LONRF1: variants seen among roughly 807,000 people sequenced by gnomAD.
LONRF1 encodes the protein LON peptidase N-terminal domain and RING finger protein 1.
Under a neutral mutation model 85.8 loss-of-function variants are expected in LONRF1, and 37 were observed. The observed-to-expected ratio is 0.43, with a 90% CI of 0.33 to 0.57. LONRF1 has a LOEUF of 0.57. LONRF1 is among the 20% of genes least tolerant of loss of function. The pLI is 0.04. For missense variants in LONRF1, 1,036 were observed against 978.0 expected (o/e 1.06, Z -0.79); for synonymous variants, 517 against 390.1 (o/e 1.33, Z -3.83).
At chr8:12,726,788 A>C (rs1177005925) in intron 10 of LONRF1, among the ~76,000 whole-genome samples, 1 of 152,220 alleles carries the variant, frequency 6.6e-6, no homozygotes, top group African/African-American at 2.4e-5. Context: ...GGGACTCTGA[A>C]AACATTTCGA....
chr8:12,734,458 C>A (rs1476353260), intron 7 of LONRF1, among the ~76,000 whole-genome samples: 1 of 152,114 alleles, frequency 6.6e-6, no homozygotes, highest in Admixed American at 6.5e-5. Flanking sequence ...GAATCACTTT[C>A]CCCAATCAAC....
At chr8:12,729,986 A>G (rs187640425) in intron 8 of LONRF1, among the ~76,000 whole-genome samples, 8 of 152,332 alleles carry the variant, frequency 5.3e-5, no homozygotes, top group Admixed American at 3.9e-4. Flanking sequence ...GCTAAAGAAC[A>G]TGGCTACAGA....
intron 1 of LONRF1, among the ~76,000 whole-genome samples, chr8:12,750,639 A>G (rs1274913879): frequency 6.6e-6 from 1 of 152,228 alleles, no homozygotes; most frequent in African/African-American, 2.4e-5. Flanking sequence ...GTTACTAAAG[A>G]TAATAAAAAC....
chr8:12,755,463 C>A lies in LONRF1; in HGVS notation c.-43G>T. 1.9e-6 allele frequency: 2 copies of A among 1,050,240 alleles called. No homozygotes were observed. The highest frequency in any genetic ancestry group is 9.0e-5 in the South Asian group (2 of 22,320). 65.1% of individuals were successfully genotyped at this position (1,050,240 alleles called of 1,614,324 possible). On this transcript the variant is annotated 5_prime_UTR_variant, in exon 1 of 12. Coordinates refer to ENST00000398246, the MANE Select transcript of LONRF1 (RefSeq NM_152271.5). Reference sequence around the variant, plus strand: ...GCCGCCGCCGCCCGCCGCCACGGTCCCGGAGCCTCCCGGGCGCGCGGCTCC... The same window carrying A: ...GCCGCCGCCGCCCGCCGCCACGGTCACGGAGCCTCCCGGGCGCGCGGCTCC...
rs1276646613 is a variant in LONRF1 at position 12,754,915 on chromosome 8, G to T, written c.506C>A (p.Ala169Asp). 1 of 1,492,504 alleles carries T rather than the reference G, an allele frequency of 6.7e-7. No individual in the cohort carries two copies. Among genetic ancestry groups the T allele is most frequent in the South Asian group, 1.3e-5 (1 of 79,450 alleles). The allele number at this position is 1,492,504 out of a possible 1,614,324, so 92.5% of individuals were successfully genotyped here. A position where few individuals can be genotyped will look rare whatever the true frequency, so the allele number is the denominator to read the frequency against. Reference protein sequence around the residue: ...RDRLPPATASATDAEGTAPRP... With the variant: ...RDRLPPATASDTDAEGTAPRP... The stretch of plus-strand genomic sequence containing the variant: ...CGGGGCGGTCCCTTCAGCATCAGTG[G>T]CACTGGCGGTGGCGGGCGGCAGCCG... Residue 169 changes from alanine to aspartate, a missense_variant, in exon 1 of 12, where the codon GCC becomes GAC. Transcript: ENST00000398246.
At chr8:12,740,328 T>C (rs887061800) in intron 3 of LONRF1, among the ~76,000 whole-genome samples, 1 of 152,194 alleles carries the variant, frequency 6.6e-6, no homozygotes, top group Non-Finnish European at 1.5e-5. Context: ...CCTAATTAAC[T>C]TGGCTTAACC....
At chr8:12,747,224 C>G (rs1053332887) in intron 1 of LONRF1, among the ~76,000 whole-genome samples, 4 of 152,214 alleles carry the variant, frequency 2.6e-5, no homozygotes, top group Admixed American at 6.5e-5. Flanking sequence ...TCTGAGGAAT[C>G]TAGTCTTCGG....
intron 7 of LONRF1, among the ~76,000 whole-genome samples, chr8:12,733,680 G>C (rs1057304807): frequency 6.6e-6 from 1 of 151,960 alleles, no homozygotes; most frequent in African/African-American, 2.4e-5. Context: ...ATATAAAAAA[G>C]AGAACAAGAA....
Position 12,737,954 on chromosome 8 carries a change from T to G in LONRF1, c.1113+41A>C, listed in dbSNP as rs773478531. On this transcript the variant is annotated intron_variant, in intron 4 of 11. Coordinates refer to ENST00000398246, the MANE Select transcript of LONRF1 (RefSeq NM_152271.5). ...GTGAAGCTCTTAACTCGTAAAGAAATGGATACGCTAAACTCATGATAACCT... is the reference window on the plus strand; with the variant it reads ...GTGAAGCTCTTAACTCGTAAAGAAAGGGATACGCTAAACTCATGATAACCT... The G allele has an allele frequency of 3.9e-6, 6 of 1,556,894 alleles. No individual in the cohort carries two copies. The Admixed American group carries it at 8.7e-5, about 23-fold the overall frequency.
chr8:12,746,327 C>T (rs745715882), intron 1 of LONRF1, among the ~76,000 whole-genome samples: 1 of 152,206 alleles, frequency 6.6e-6, no homozygotes, highest in Non-Finnish European at 1.5e-5. Flanking sequence ...TATGAACCTT[C>T]CCACTCACTC....
intron 5 of LONRF1, 33 bp from the exon 6 acceptor site, chr8:12,736,830 T>G (rs1362370931): frequency 6.3e-7 from 1 of 1,585,080 alleles, no homozygotes; most frequent in Non-Finnish European, 8.6e-7. Flanking sequence ...TTTTCTTCCT[T>G]AGGAAAAACT....
chr8:12,729,183 G>T lies in LONRF1; in HGVS notation c.1838C>A (p.Thr613Lys). ...TTCACAAAAAGCATACCTATTTTGT[G>T]TATCACTGACACACATGCCAAACTG... ...TKQFGMCVSD[T>K]QNSFADYGCM... The change falls in exon 9 of 12, where the codon ACA (threonine) becomes AAA (lysine). Residue 613 changes from threonine (T) to lysine (K), a missense_variant. Physicochemically the swap from Thr to Lys is moderately conservative, Grantham distance 78. Transcript: ENST00000398246. 1 of 1,613,902 alleles carries T rather than the reference G, an allele frequency of 6.2e-7. No individual in the cohort carries two copies. Among genetic ancestry groups the T allele is most frequent in the South Asian group, 1.1e-5 (1 of 91,060 alleles).
intron 3 of LONRF1, among the ~76,000 whole-genome samples, chr8:12,740,479 C>G (rs988099017): frequency 2.0e-5 from 3 of 151,984 alleles, no homozygotes; most frequent in Non-Finnish European, 2.9e-5. Context: ...TAAGGCAAAA[C>G]AAGTGGACTG....
In LONRF1 at chr8:12,738,076, T is replaced by C. The variant is rs1798791095; in HGVS notation, c.1032A>G (p.Leu344=). 1.2e-6 allele frequency: 2 copies of C among 1,608,704 alleles called. No individual in the cohort carries two copies. The highest frequency in any genetic ancestry group is 1.7e-6 in the Non-Finnish European group (2 of 1,176,728). ...CAAAAGGTCTGTTTTTAGTACATGG[T>C]AATGAACTCCAGGAAGATTCCTTCA... ...EGLKESSWSS[L]PCTKNRPFDF... The change falls in exon 4 of 12, where the codon TTA becomes TTG. Residue 344 remains leucine (L), a synonymous_variant. Coordinates refer to ENST00000398246, the MANE Select transcript of LONRF1 (RefSeq NM_152271.5).
chr8:12,736,721 G>A lies in LONRF1; in HGVS notation c.1431C>T (p.Phe477=), dbSNP rs769049327. Residue 477 remains phenylalanine, a synonymous_variant, in exon 6 of 12, where the codon TTC becomes TTT. Transcript: ENST00000398246. ...IPEELIDVSD[F]ECSLCMRLFF... ...CTTACCTCATGCAGAGAGAACACTC[G>A]AAATCTGAGACATCGATTAATTCTT... 13 of 1,610,138 alleles carry A rather than the reference G, an allele frequency of 8.1e-6. No individual in the cohort carries two copies. The African/African-American group carries it at 1.1e-4, about 13-fold the overall frequency.
intron 1 of LONRF1, among the ~76,000 whole-genome samples, chr8:12,748,855 CT>C (rs764152944): frequency 3.4e-5 from 5 of 145,806 alleles, no homozygotes; most frequent in Non-Finnish European, 7.5e-5. Flanking sequence ...TATAGTATGA[CT>C]TGGTTACCAG....
intron 3 of LONRF1, among the ~76,000 whole-genome samples, chr8:12,740,212 T>G (rs1798877666): frequency 6.6e-6 from 1 of 152,210 alleles, no homozygotes; most frequent in African/African-American, 2.4e-5. Context: ...AGCATAGATT[T>G]TCTCAAAGAA....
chr8:12,754,088 C>G (rs543301756), intron 1 of LONRF1: 2 of 152,194 alleles, frequency 1.3e-5, no homozygotes, highest in Non-Finnish European at 2.9e-5. Context: ...GCCGGGCGCC[C>G]GCGCGGAGCT....
intron 1 of LONRF1, among the ~76,000 whole-genome samples, chr8:12,752,194 T>C (rs1799435638): frequency 1.3e-5 from 2 of 152,302 alleles, no homozygotes; most frequent in East Asian, 3.9e-4. Context: ...AATGACAAGA[T>C]CATTAATAAC....
Sources: gnomAD v4.1 joint callset for allele counts (sites outside exome capture counted in the v4.1 genomes callset) on GRCh38, gnomAD v4.1.1 for gene constraint, MANE v1.5 for transcripts, NCBI Gene and HGNC (gene_info 2026-07-23, HGNC 2026-07-21) for gene names.